Variants in ADSS1 observed in about 807,000 individuals in gnomAD.
ADSS1 encodes the protein adenylosuccinate synthetase isozyme 1.
ADSS1 carries 57 observed loss-of-function variants against 59.1 expected under a neutral mutation model. The observed-to-expected ratio is 0.97, with a 90% CI of 0.78 to 1.20. The LOEUF (loss-of-function observed/expected upper bound fraction) is 1.20, where lower values mean the gene tolerates loss of function less well. Ranked by LOEUF, ADSS1 falls within the 50% of genes most tolerant of loss-of-function variation. The probability of loss-of-function intolerance (pLI) is 0.00; values close to 1 mark genes in which losing one functional copy is unlikely to be tolerated. For missense variants in ADSS1, 603 were observed against 610.3 expected (o/e 0.99, Z 0.13); for synonymous variants, 247 against 249.4 (o/e 0.99, Z 0.09).
chr14:104,746,536 C>CCACACTGCCCCAGCTCCGAG, intron 12 of ADSS1, 151 bp downstream of exon 12: 1 of 1,207,708 alleles, frequency 8.3e-7, no homozygotes, highest in Non-Finnish European at 1.1e-6. Context: ...CGACTCGGAG[C>CCACACTGCCCCAGCTCCGAG]TGGGGCAGTG....
rs535290699 is a variant in ADSS1 at position 104,740,076 on chromosome 14, G to A, written c.476+260G>A. On this transcript the variant is annotated intron_variant, in intron 5 of 12. Coordinates refer to ENST00000330877, the MANE Select transcript of ADSS1 (RefSeq NM_152328.5). The surrounding 1 kb of genome is among the most constrained non-coding windows in gnomAD (Gnocchi z 4.8). ...CCCCCAGGAGTGCATAAGCCCTACC[G>A]TCACCTGTCACACCCACCACCTTTC... Among the ~76,000 whole-genome samples, 13 of 152,136 alleles carry A rather than the reference G, an allele frequency of 8.5e-5. No homozygotes were observed. The highest frequency in any genetic ancestry group is 1.9e-4 in the East Asian group (1 of 5,182).
intron 1 of ADSS1, among the ~76,000 whole-genome samples, chr14:104,734,388 C>T (rs555474256): frequency 8.6e-4 from 131 of 152,310 alleles, no homozygotes; most frequent in Non-Finnish European, 1.4e-3. Flanking sequence ...CTTGGGGAAG[C>T]GAAGGCAGTG....
chr14:104,735,912 T>C (rs1891102750), intron 2 of ADSS1, among the ~76,000 whole-genome samples: 1 of 152,196 alleles, frequency 6.6e-6, no homozygotes, highest in Non-Finnish European at 1.5e-5. Context: ...CTTCTTGTAC[T>C]TTCCCTTCCA....
rs528159471 is a variant in ADSS1, at chr14:104,746,898, T to A, written c.1322-53T>A. 1.8e-5 allele frequency: 28 copies of A among 1,593,114 alleles called. No homozygotes were observed. In the East Asian group the frequency reaches 5.8e-4, roughly 33 times the overall value. ...AGATACGACACTAAAGACAACTTTT[T>A]CTGAACTTTCTGCCTCCAGTGTGTA... On this transcript the variant is annotated intron_variant, in intron 12 of 12. Transcript: ENST00000330877.
At chr14:104,734,915 A>T (rs1323618855) in intron 1 of ADSS1, 105 bp from the exon 2 acceptor site, 1 of 946,194 alleles carries the variant, frequency 1.1e-6, no homozygotes, top group Non-Finnish European at 1.6e-6. Flanking sequence ...CCAAAATCCA[A>T]CAGCAGTGCC....
rs1359186345 is a variant in ADSS1 at position 104,740,982 on chromosome 14, T to TA, written c.666+63dup. The TA allele has an allele frequency of 6.2e-7, 1 of 1,610,256 alleles. No homozygotes were observed. The highest frequency in any genetic ancestry group is 1.3e-5 in the African/African-American group (1 of 74,846). ...GCTCCTCCAGGGAGGCTGGATGTCC[T>TA]ACCTGGTGCTCGTTGAACACCCTTG... On this transcript the variant is annotated intron_variant, in intron 7 of 12. Transcript: ENST00000330877. This position sits in a 1 kb window ranked among gnomAD's most constrained non-coding sequence, Gnocchi z 4.8.
chr14:104,745,218 C>T, intron 11 of ADSS1: 1 of 326,172 alleles, frequency 3.1e-6, no homozygotes, highest in Non-Finnish European at 5.7e-6. Flanking sequence ...GGAAAAGGCC[C>T]ACCTGCAGGG....
At chr14:104,726,865 C>T (rs1471254978) in intron 1 of ADSS1, among the ~76,000 whole-genome samples, 1 of 152,202 alleles carries the variant, frequency 6.6e-6, no homozygotes, top group African/African-American at 2.4e-5. Flanking sequence ...TGGCAACAAG[C>T]CTGTTCTGCT....
At position 104,724,420 on chromosome 14, in the gene ADSS1, G is replaced by T; in HGVS notation, c.150G>T (p.Val50=). 1 of 1,264,178 alleles carries T rather than the reference G, an allele frequency of 7.9e-7. No homozygotes were observed. The highest frequency in any genetic ancestry group is 1.0e-6 in the Non-Finnish European group (1 of 999,498). 78.3% of individuals were successfully genotyped at this position (1,264,178 alleles called of 1,614,324 possible). The change falls in exon 1 of 13, where the codon GTG becomes GTT. Residue 50 remains valine, a synonymous_variant. Transcript: ENST00000330877. ...GGGACGAGGGCAAAGGCAAGGTGGT[G>T]GACCTGCTGGCCACGGACGCCGACA... is the stretch of plus-strand genomic sequence containing the variant. The part of the protein sequence containing the change: ...QWGDEGKGKV[V]DLLATDADII...
chr14:104,746,304 A>G lies in ADSS1; in HGVS notation c.1240A>G (p.Thr414Ala). The change falls in exon 12 of 13, where the codon ACA becomes GCA. Residue 414 changes from threonine (T) to alanine (A), a missense_variant. By Grantham distance (58) the Thr-to-Ala change is moderately conservative. Coordinates refer to ENST00000330877, the MANE Select transcript of ADSS1 (RefSeq NM_152328.5). ...GCTGCCTGGGTGGAAAGCAGACACC[A>G]CAGGCGCCAGGAGGTGGGAGGACCT... is the stretch of plus-strand genomic sequence containing the variant. Reference protein sequence around the residue: ...ETLPGWKADTTGARRWEDLPP... With the variant: ...ETLPGWKADTAGARRWEDLPP... 6.2e-7 allele frequency: 1 copy of G among 1,613,850 alleles called. No individual in the cohort carries two copies. The highest frequency in any genetic ancestry group is 1.1e-5 in the South Asian group (1 of 91,090).
Position 104,738,361 on chromosome 14 carries a change from C to G in ADSS1, c.296-15C>G. On this transcript the variant is annotated splice_polypyrimidine_tract_variant and intron_variant, in intron 2 of 12. Coordinates refer to ENST00000330877, the MANE Select transcript of ADSS1 (RefSeq NM_152328.5). ...GGACACAACTCTGTCTCTCATGCCT[C>G]TGTCTCTCATGCAGGCAACGGGGTG... The G allele has an allele frequency of 6.2e-7, 1 of 1,613,694 alleles. No homozygotes were observed. Among genetic ancestry groups the G allele is most frequent in the South Asian group, 1.1e-5 (1 of 91,082 alleles).
chr14:104,740,864 C>T lies in ADSS1; in HGVS notation c.610C>T (p.Gln204Ter). The change falls in exon 7 of 13, where the codon CAG becomes TAG. Residue 204 changes from glutamine to a stop codon, truncating the protein, a stop_gained. Transcript: ENST00000330877. LOFTEE classifies it high-confidence loss of function. This position sits in a 1 kb window ranked among gnomAD's most constrained non-coding sequence, Gnocchi z 4.8. ...SRFKNLAHQH[Q>*]SMFPTLEIDI... ...ATTCAAGAACCTGGCCCACCAGCAC[C>T]AGTCGATGTTCCCCACCCTGGAAAT... 1.2e-6 allele frequency: 2 copies of T among 1,613,966 alleles called. No homozygotes were observed. The highest frequency in any genetic ancestry group is 2.2e-5 in the South Asian group (2 of 91,074).
intron 2 of ADSS1, among the ~76,000 whole-genome samples, chr14:104,736,495 C>T (rs900250175): frequency 6.6e-6 from 1 of 152,188 alleles, no homozygotes; most frequent in Non-Finnish European, 1.5e-5. Context: ...TTCAGGATGC[C>T]GTGGCATTTG....
Position 104,740,993 on chromosome 14 carries a change from C to T in ADSS1, c.666+73C>T, listed in dbSNP as rs556794463. Reference sequence around the variant, plus strand: ...GAGGCTGGATGTCCTACCTGGTGCTCGTTGAACACCCTTGGGGCACACCTG... The same window carrying T: ...GAGGCTGGATGTCCTACCTGGTGCTTGTTGAACACCCTTGGGGCACACCTG... On this transcript the variant is annotated intron_variant, in intron 7 of 12. Coordinates refer to ENST00000330877, the MANE Select transcript of ADSS1 (RefSeq NM_152328.5). The surrounding 1 kb of genome is among the most constrained non-coding windows in gnomAD (Gnocchi z 4.8). The T allele has an allele frequency of 1.4e-5, 22 of 1,609,074 alleles. 1 individual carries two copies. The highest frequency in any genetic ancestry group is 3.3e-5 in the South Asian group (3 of 90,812).
chr14:104,731,908 TG>T (rs1472464774), intron 1 of ADSS1, among the ~76,000 whole-genome samples: 1 of 152,112 alleles, frequency 6.6e-6, no homozygotes, highest in Non-Finnish European at 1.5e-5. Context: ...ACCCATCTAC[TG>T]GGCCAGCAGG....
At chr14:104,742,107 C>T in intron 9 of ADSS1, 105 bp downstream of exon 9, 1 of 1,460,408 alleles carries the variant, frequency 6.8e-7, no homozygotes, top group Non-Finnish European at 9.3e-7. Context: ...CGGACCTTGC[C>T]AGTGCCATCT....
At chr14:104,739,570 T>C (rs924322437) in intron 4 of ADSS1, 180 bp from the exon 5 acceptor site, 103 of 895,308 alleles carry the variant, frequency 1.2e-4, no homozygotes, top group Non-Finnish European at 1.7e-4. Context: ...CACTAGCCCA[T>C]TTGCAGGTGG....
chr14:104,727,433 C>T (rs1157426862), intron 1 of ADSS1, among the ~76,000 whole-genome samples: 1 of 152,126 alleles, frequency 6.6e-6, no homozygotes, highest in Non-Finnish European at 1.5e-5. Context: ...TCCTTGCCTG[C>T]TCCCCTGGCT....
intron 11 of ADSS1, chr14:104,745,262 G>A (rs1393754648): frequency 1.5e-5 from 4 of 259,792 alleles, no homozygotes; most frequent in East Asian, 2.1e-4. Context: ...TAGTGGATGC[G>A]GTCGGCTCTG....
Sources: allele counts gnomAD v4.1 joint callset (sites outside exome capture counted in the v4.1 genomes callset), GRCh38; gene constraint gnomAD v4.1.1; non-coding constraint Gnocchi (gnomAD v3.1); transcripts MANE v1.5; gene names NCBI Gene and HGNC (gene_info 2026-07-23, HGNC 2026-07-21).